SYNPO2: variants seen among roughly 807,000 people sequenced by gnomAD.
SYNPO2 encodes the protein synaptopodin 2, also known as synaptopodin-2.
Under a neutral mutation model 85.0 loss-of-function variants are expected in SYNPO2, and 56 were observed. That is an observed-to-expected ratio of 0.66 (90% confidence interval 0.53 to 0.82). The LOEUF (loss-of-function observed/expected upper bound fraction) is 0.82, where lower values mean the gene tolerates loss of function less well. Ranked by LOEUF, SYNPO2 falls within the 40% of genes least tolerant of loss-of-function variation. The pLI is 0.00. For missense variants in SYNPO2, 1,575 were observed against 1,534.2 expected (o/e 1.03, Z -0.44); for synonymous variants, 602 against 591.1 (o/e 1.02, Z -0.27).
chr4:118,973,601 T>C (rs927319729), intron 1 of SYNPO2, among the ~76,000 whole-genome samples: 4 of 152,204 alleles, frequency 2.6e-5, no homozygotes, highest in African/African-American at 9.6e-5. Flanking sequence ...ATGTTTTTAT[T>C]GGAAATTTAA....
chr4:118,878,020 T>C (rs1158341519), intron 1 of SYNPO2, among the ~76,000 whole-genome samples: 1 of 152,150 alleles, frequency 6.6e-6, no homozygotes, highest in Non-Finnish European at 1.5e-5. Flanking sequence ...AGGAATACTA[T>C]GCAGCCATAA....
chr4:118,939,773 A>G (rs907746394), intron 1 of SYNPO2, among the ~76,000 whole-genome samples: 5 of 152,162 alleles, frequency 3.3e-5, no homozygotes, highest in African/African-American at 1.2e-4. Context: ...CATATTATAG[A>G]TCTATTAAAA....
intron 1 of SYNPO2, among the ~76,000 whole-genome samples, chr4:119,008,959 G>A (rs1313902898): frequency 2.6e-5 from 4 of 152,056 alleles, no homozygotes; most frequent in African/African-American, 7.2e-5. Context: ...TAATAGAGAG[G>A]AAATGGAAAT....
intron 1 of SYNPO2, among the ~76,000 whole-genome samples, chr4:118,954,377 C>T (rs1219597934): frequency 6.6e-6 from 1 of 152,048 alleles, no homozygotes; most frequent in African/African-American, 2.4e-5. Flanking sequence ...AGTCCTAGAG[C>T]CTGCTTCCAA....
At chr4:118,906,261 T>A (rs960179905) in intron 1 of SYNPO2, among the ~76,000 whole-genome samples, 1 of 152,042 alleles carries the variant, frequency 6.6e-6, no homozygotes, top group Non-Finnish European at 1.5e-5. Context: ...AGAAGAGTGA[T>A]ATATATATAT....
chr4:119,041,938 C>A (rs1393862919), intron 4 of SYNPO2: 2 of 152,198 alleles, frequency 1.3e-5, no homozygotes, highest in African/African-American at 4.8e-5. Flanking sequence ...GGGCTGTGAA[C>A]TACACTTTGA....
chr4:119,031,942 C>G lies in SYNPO2; in HGVS notation c.3167C>G (p.Ser1056Trp). The G allele has an allele frequency of 6.2e-7, 1 of 1,614,228 alleles. No individual in the cohort carries two copies. The highest frequency in any genetic ancestry group is 8.5e-7 in the Non-Finnish European group (1 of 1,180,048). ...CCAGTGCCTGTGGGCATTCCCACCTCGCCAAAGCAAGAATCAGCCTCATCA... is the reference window on the plus strand; with the variant it reads ...CCAGTGCCTGTGGGCATTCCCACCTGGCCAAAGCAAGAATCAGCCTCATCA... Reference protein sequence around the residue: ...ASPVPVGIPTSPKQESASSSY... With the variant: ...ASPVPVGIPTWPKQESASSSY... Residue 1056 changes from serine to tryptophan, a missense_variant, in exon 4 of 5, where the codon TCG becomes TGG. Ser to Trp is a radical substitution (Grantham distance 177, BLOSUM62 -3). This residue lies in a region of SYNPO2 where 1,508 missense variants were observed against 1,446.8 expected (regional missense o/e 1.04). Transcript: ENST00000307142.
intron 4 of SYNPO2, chr4:119,037,414 A>G: frequency 8.5e-7 from 1 of 1,180,092 alleles, no homozygotes; most frequent in South Asian, 3.5e-5. Flanking sequence ...AAGAATAAAC[A>G]GAAAAATGTT....
At chr4:118,939,818 T>C (rs934971605) in intron 1 of SYNPO2, among the ~76,000 whole-genome samples, 9 of 152,170 alleles carry the variant, frequency 5.9e-5, no homozygotes, top group Admixed American at 5.2e-4. Flanking sequence ...CTAATAGAGT[T>C]ACCCGTCATG....
intron 1 of SYNPO2, among the ~76,000 whole-genome samples, chr4:119,016,735 A>G (rs1737540287): frequency 6.6e-6 from 1 of 152,238 alleles, no homozygotes; most frequent in Admixed American, 6.5e-5. Flanking sequence ...TTCTTAGGAA[A>G]GAAAGAAAAG....
chr4:118,953,600 CT>C (rs113548655), intron 1 of SYNPO2, among the ~76,000 whole-genome samples: 93 of 147,988 alleles, frequency 6.3e-4, no homozygotes, highest in Non-Finnish European at 7.8e-4. Context: ...GAACTGTAGC[CT>C]TTTTTTTTTT....
At chr4:119,014,009 C>G (rs949317146) in intron 1 of SYNPO2, among the ~76,000 whole-genome samples, 33 of 152,334 alleles carry the variant, frequency 2.2e-4, no homozygotes, top group African/African-American at 7.9e-4. Context: ...TCCTCCTTTT[C>G]CAACTATATA....
chr4:118,875,700 T>C (rs1322151800), intron 1 of SYNPO2, among the ~76,000 whole-genome samples: 1 of 152,246 alleles, frequency 6.6e-6, no homozygotes, highest in Non-Finnish European at 1.5e-5. Context: ...TTCCAAAGAC[T>C]ACCTTCTGGC....
intron 1 of SYNPO2, among the ~76,000 whole-genome samples, chr4:118,905,383 T>C (rs968515241): frequency 6.6e-6 from 1 of 152,068 alleles, no homozygotes; most frequent in South Asian, 2.1e-4. Flanking sequence ...ATTGAGACAT[T>C]GAACCTAATA....
At chr4:118,866,124 G>C (rs981997726) in intron 1 of SYNPO2, among the ~76,000 whole-genome samples, 1 of 152,152 alleles carries the variant, frequency 6.6e-6, no homozygotes, top group Non-Finnish European at 1.5e-5. Context: ...GTGTATGTTT[G>C]TCTCCAGTTT....
At chr4:118,976,233 C>T (rs1369005094) in intron 1 of SYNPO2, among the ~76,000 whole-genome samples, 2 of 151,940 alleles carry the variant, frequency 1.3e-5, no homozygotes, top group African/African-American at 4.8e-5. Context: ...GGTTCGTGGT[C>T]TCGCTGGCTC....
chr4:119,036,963 C>G, intron 4 of SYNPO2: 2 of 1,297,030 alleles, frequency 1.5e-6, no homozygotes, highest in East Asian at 5.7e-5. Context: ...CCTACAGGGT[C>G]CTAGAGTTTA....
intron 1 of SYNPO2, among the ~76,000 whole-genome samples, chr4:119,003,603 T>C (rs567476331): frequency 6.6e-6 from 1 of 152,336 alleles, no homozygotes; most frequent in Admixed American, 6.5e-5. Context: ...TGTTTCATGG[T>C]TTGATATCAT....
chr4:118,920,930 C>A, intron 1 of SYNPO2, among the ~76,000 whole-genome samples: 1 of 151,520 alleles, frequency 6.6e-6, no homozygotes, highest in Admixed American at 6.6e-5. Flanking sequence ...GAGGGTCTAG[C>A]TCTGTCACCT....
Sources: allele counts gnomAD v4.1 joint callset (sites outside exome capture counted in the v4.1 genomes callset), GRCh38; gene constraint gnomAD v4.1.1; regional missense constraint gnomAD v4.1.1; transcripts MANE v1.5; gene names NCBI Gene and HGNC (gene_info 2026-07-23, HGNC 2026-07-21).